ZC2HC1A: variants seen among roughly 807,000 people sequenced by gnomAD.
The protein encoded by ZC2HC1A is zinc finger C2HC domain-containing protein 1A.
ZC2HC1A carries 28 observed loss-of-function variants against 40.7 expected under a neutral mutation model. The ratio of observed to expected loss-of-function variants is 0.69; its 90% CI spans 0.51 to 0.94. The LOEUF (loss-of-function observed/expected upper bound fraction) is 0.94. Ranked by LOEUF, ZC2HC1A falls within the 40% of genes least tolerant of loss-of-function variation. ZC2HC1A has a pLI of 0.00. For missense variants in ZC2HC1A, 389 were observed against 386.3 expected (o/e 1.01, Z -0.06); for synonymous variants, 129 against 129.2 (o/e 1.00, Z 0.01).
chr8:78,700,863 G>A (rs1222866004), intron 7 of ZC2HC1A, among the ~76,000 whole-genome samples: 1 of 151,652 alleles, frequency 6.6e-6, no homozygotes, highest in African/African-American at 2.4e-5. Context: ...ACTGGTCCAT[G>A]TTCCAGTACC....
chr8:78,685,503 G>C (rs1809940583), intron 3 of ZC2HC1A, among the ~76,000 whole-genome samples: 1 of 151,936 alleles, frequency 6.6e-6, no homozygotes, highest in Admixed American at 6.6e-5. Flanking sequence ...CCAAAGACAA[G>C]GTCAAAAGAC....
At chr8:78,706,571 T>C (rs916570017) in intron 7 of ZC2HC1A, among the ~76,000 whole-genome samples, 4 of 152,146 alleles carry the variant, frequency 2.6e-5, no homozygotes, top group African/African-American at 7.2e-5. Context: ...CACCTTGCTC[T>C]GTGTCGCTCC....
At chr8:78,693,440 G>A (rs1017953401) in intron 5 of ZC2HC1A, among the ~76,000 whole-genome samples, 1 of 152,134 alleles carries the variant, frequency 6.6e-6, no homozygotes, top group African/African-American at 2.4e-5. Context: ...GGTGTGAGAT[G>A]GTATCTCATT....
chr8:78,704,274 G>A (rs1014242100), intron 7 of ZC2HC1A, among the ~76,000 whole-genome samples: 1 of 151,500 alleles, frequency 6.6e-6, no homozygotes, highest in African/African-American at 2.4e-5. Context: ...TGTAGTCCCA[G>A]CTACTTGGGA....
intron 6 of ZC2HC1A, among the ~76,000 whole-genome samples, chr8:78,698,168 G>C (rs1021068300): frequency 6.6e-6 from 1 of 152,154 alleles, no homozygotes; most frequent in Non-Finnish European, 1.5e-5. Flanking sequence ...TTAATAGTTA[G>C]AAGAAGATAT....
chr8:78,699,909 G>T (rs1487600098), intron 7 of ZC2HC1A, among the ~76,000 whole-genome samples: 1 of 152,054 alleles, frequency 6.6e-6, no homozygotes, highest in Non-Finnish European at 1.5e-5. Context: ...TCAGTATTAT[G>T]AATAGTGCTG....
At chr8:78,694,486 T>G (rs1810332309) in intron 5 of ZC2HC1A, among the ~76,000 whole-genome samples, 1 of 152,178 alleles carries the variant, frequency 6.6e-6, no homozygotes, top group African/African-American at 2.4e-5. Context: ...ATTATTGGCT[T>G]AGTTTGCTTG....
At chr8:78,679,915 A>G (rs1809713259) in intron 3 of ZC2HC1A, among the ~76,000 whole-genome samples, 1 of 152,170 alleles carries the variant, frequency 6.6e-6, no homozygotes, top group Non-Finnish European at 1.5e-5. Flanking sequence ...TGCTGCCTAT[A>G]TTAGCTTTAA....
chr8:78,693,667 T>C (rs1292777855), intron 5 of ZC2HC1A, among the ~76,000 whole-genome samples: 1 of 152,226 alleles, frequency 6.6e-6, no homozygotes, highest in African/African-American at 2.4e-5. Context: ...AAAAATTTTC[T>C]CCCATTCTGT....
At chr8:78,702,336 G>A (rs1810630911) in intron 7 of ZC2HC1A, among the ~76,000 whole-genome samples, 1 of 152,016 alleles carries the variant, frequency 6.6e-6, no homozygotes, top group African/African-American at 2.4e-5. Context: ...ATTTCTGATT[G>A]TGTTTATTTG....
Position 78,714,858 on chromosome 8 carries a change from G to T in ZC2HC1A, c.705-363G>T, listed in dbSNP as rs1204071176. On this transcript the variant is annotated intron_variant, in intron 7 of 8. Transcript: ENST00000263849. ...ATGCCTAGAATAATGAAACTTGTTT[G>T]TTTATTTAACCATTATCCGTAAGCA... Among the ~76,000 whole-genome samples, 9 of 152,116 alleles carry T rather than the reference G, an allele frequency of 5.9e-5. No individual in the cohort carries two copies. The East Asian group carries it at 1.7e-3, about 29-fold the overall frequency.
chr8:78,676,534 A>G (rs1234493366), intron 2 of ZC2HC1A, among the ~76,000 whole-genome samples: 1 of 152,148 alleles, frequency 6.6e-6, no homozygotes, highest in East Asian at 1.9e-4. Context: ...AAACACAAAT[A>G]CACATTTATT....
chr8:78,705,011 T>C (rs1468199922), intron 7 of ZC2HC1A, among the ~76,000 whole-genome samples: 3 of 152,250 alleles, frequency 2.0e-5, no homozygotes, highest in Admixed American at 2.0e-4. Flanking sequence ...TGTTTTATCA[T>C]GATTTTTAGC....
At chr8:78,691,359 G>T (rs1810206279) in intron 5 of ZC2HC1A, among the ~76,000 whole-genome samples, 1 of 152,076 alleles carries the variant, frequency 6.6e-6, no homozygotes, top group East Asian at 1.9e-4. Flanking sequence ...ATTATAAATT[G>T]TTCCTTTTTG....
intron 7 of ZC2HC1A, among the ~76,000 whole-genome samples, chr8:78,705,746 C>A (rs1240677795): frequency 6.6e-6 from 1 of 152,116 alleles, no homozygotes; most frequent in African/African-American, 2.4e-5. Context: ...AGGGACTTTG[C>A]AAATCTCTGT....
At chr8:78,717,219 A>C (rs1811133942) in intron 8 of ZC2HC1A, 109 bp from the exon 9 acceptor site, 1 of 997,756 alleles carries the variant, frequency 1.0e-6, no homozygotes, top group Admixed American at 3.1e-5. Context: ...AATATTAAAA[A>C]CGAGATTAAG....
At chr8:78,700,350 T>C (rs1457931617) in intron 7 of ZC2HC1A, among the ~76,000 whole-genome samples, 1 of 152,086 alleles carries the variant, frequency 6.6e-6, no homozygotes, top group Non-Finnish European at 1.5e-5. Flanking sequence ...TTTTTTCTTG[T>C]AAGTTTGTTT....
intron 4 of ZC2HC1A, among the ~76,000 whole-genome samples, chr8:78,688,089 G>A (rs767308730): frequency 2.6e-5 from 4 of 151,028 alleles, no homozygotes; most frequent in East Asian, 1.9e-4. Flanking sequence ...CATACTTTGC[G>A]AAACCCTGTT....
intron 7 of ZC2HC1A, among the ~76,000 whole-genome samples, chr8:78,714,561 C>A (rs941323737): frequency 1.2e-4 from 19 of 152,088 alleles, no homozygotes; most frequent in African/African-American, 4.3e-4. Flanking sequence ...TTTGAATTCC[C>A]AAGCCTCTGC....
Sources: gnomAD v4.1 joint callset for allele counts (sites outside exome capture counted in the v4.1 genomes callset) on GRCh38, gnomAD v4.1.1 for gene constraint, MANE v1.5 for transcripts, NCBI Gene and HGNC (gene_info 2026-07-23, HGNC 2026-07-21) for gene names.